PKP2: variants seen among roughly 807,000 people sequenced by gnomAD.
PKP2 encodes plakophilin 2.
In PKP2, 73 loss-of-function variants were observed where a neutral mutation model predicts 83.4. That is an observed-to-expected ratio of 0.88 (90% CI 0.72 to 1.06). The LOEUF (loss-of-function observed/expected upper bound fraction) is 1.06, where lower values mean the gene tolerates loss of function less well. PKP2 is among the 50% of genes least tolerant of loss of function. PKP2 has a pLI of 0.00. For synonymous variants in PKP2, 409 were observed against 430.4 expected (o/e 0.95, Z 0.62); for missense variants, 966 against 1,065.4 (o/e 0.91, Z 1.30).
Position 32,860,766 on chromosome 12 carries a change from A to G in PKP2, c.1170+8161T>C, listed in dbSNP as rs187650389. 2.0e-5 allele frequency among the ~76,000 whole-genome samples: 3 copies of G among 152,244 alleles called. No individual in the cohort carries two copies. In the East Asian group the frequency reaches 5.8e-4, roughly 29 times the overall value. ...GAATTTGGTCTGGGCGCGGTGGTGCATGCCTGTAGTCCCAGCACTTTGGGA... is the reference window on the plus strand; with the variant it reads ...GAATTTGGTCTGGGCGCGGTGGTGCGTGCCTGTAGTCCCAGCACTTTGGGA... On this transcript the variant is annotated intron_variant, in intron 4 of 12. Transcript: ENST00000340811.
chr12:32,894,422 A>G (rs1957103332), intron 1 of PKP2: 1 of 152,224 alleles, frequency 6.6e-6, no homozygotes, highest in African/African-American at 2.4e-5. Flanking sequence ...ATGCTTGCTG[A>G]ATTCATCACA....
At chr12:32,805,410 T>A (rs1238059253) in intron 9 of PKP2, among the ~76,000 whole-genome samples, 1 of 152,186 alleles carries the variant, frequency 6.6e-6, no homozygotes, top group Admixed American at 6.5e-5. Context: ...TTGCCTAGAT[T>A]TTCTTCTAGG....
At chr12:32,881,831 C>T (rs531087264) in intron 1 of PKP2, among the ~76,000 whole-genome samples, 3 of 152,158 alleles carry the variant, frequency 2.0e-5, no homozygotes, top group African/African-American at 7.2e-5. Flanking sequence ...CTGAGGCTCG[C>T]GCCTAGGCTA....
chr12:32,875,374 G>T lies in PKP2; in HGVS notation c.1034+2472C>A, dbSNP rs193266723. Among the ~76,000 whole-genome samples the T allele has an allele frequency of 6.6e-5, 10 of 152,286 alleles. No homozygotes were observed. The East Asian group carries it at 1.9e-3, about 29-fold the overall frequency. On this transcript the variant is annotated intron_variant, in intron 3 of 12. Transcript: ENST00000340811. Reference sequence around the variant, plus strand: ...AGGAAAGAGAGAGAGAATGAATATGGATAAATATCTTGCATTAAGGAAAGT... The same window carrying T: ...AGGAAAGAGAGAGAGAATGAATATGTATAAATATCTTGCATTAAGGAAAGT...
At chr12:32,797,547 A>G (rs1956138285) in intron 10 of PKP2, among the ~76,000 whole-genome samples, 6 of 149,606 alleles carry the variant, frequency 4.0e-5, no homozygotes, top group Admixed American at 4.0e-4. Context: ...CAATATTAAT[A>G]GTGAACTAAA....
intron 4 of PKP2, among the ~76,000 whole-genome samples, chr12:32,853,746 G>A (rs1022820040): frequency 1.3e-5 from 2 of 152,122 alleles, no homozygotes; most frequent in African/African-American, 2.4e-5. Flanking sequence ...CCCAACCTCA[G>A]GTGATCTGCC....
At chr12:32,827,402 G>C (rs2137794540) in intron 6 of PKP2, among the ~76,000 whole-genome samples, 1 of 152,316 alleles carries the variant, frequency 6.6e-6, no homozygotes, top group South Asian at 2.1e-4. Context: ...GATAAGGGTA[G>C]ATTATTTTAT....
In PKP2 at chr12:32,812,073, T is replaced by C. The variant is rs192934659; in HGVS notation, c.2013+9283A>G. ...GCTTGCGTGGGGGAAACTGGGTGTA[T>C]GTGGAAAAGATATATGGCAGCTGAA... On this transcript the variant is annotated intron_variant, in intron 9 of 12. Coordinates refer to ENST00000340811, the MANE Select transcript of PKP2 (RefSeq NM_001005242.3). 6.5e-4 allele frequency among the ~76,000 whole-genome samples: 99 copies of C among 151,602 alleles called. 1 individual carries two copies. The highest frequency in any genetic ancestry group is 2.2e-3 in the African/African-American group (89 of 41,330).
chr12:32,818,975 T>C (rs1956346344), intron 9 of PKP2, among the ~76,000 whole-genome samples: 1 of 152,088 alleles, frequency 6.6e-6, no homozygotes, highest in African/African-American at 2.4e-5. Context: ...AAGCATCCCG[T>C]AACTTAAAAG....
intron 9 of PKP2, among the ~76,000 whole-genome samples, chr12:32,806,646 C>CA (rs977009332): frequency 2.0e-5 from 3 of 146,680 alleles, no homozygotes; most frequent in Non-Finnish European, 4.4e-5. Flanking sequence ...TAATTTTTTT[C>CA]AAAAAAACAG....
At chr12:32,850,148 G>A (rs1956682961) in intron 5 of PKP2, among the ~76,000 whole-genome samples, 1 of 152,162 alleles carries the variant, frequency 6.6e-6, no homozygotes, top group Admixed American at 6.5e-5. Flanking sequence ...AATTTTCATT[G>A]CAGTGAGTCT....
chr12:32,881,948 CA>C (rs1565600768), intron 1 of PKP2, among the ~76,000 whole-genome samples: 1 of 152,166 alleles, frequency 6.6e-6, no homozygotes, highest in Non-Finnish European at 1.5e-5. Context: ...AGGCCAGGTA[CA>C]GGGAACATAA....
chr12:32,858,103 A>ATTTT (rs1283821721), intron 4 of PKP2, among the ~76,000 whole-genome samples: 1 of 94,606 alleles, frequency 1.1e-5, no homozygotes, highest in African/African-American at 4.9e-5. Flanking sequence ...ATATATATAT[A>ATTTT]TATATATATA....
chr12:32,845,270 G>C (rs564825765), intron 5 of PKP2, among the ~76,000 whole-genome samples: 1 of 152,298 alleles, frequency 6.6e-6, no homozygotes, highest in South Asian at 2.1e-4. Flanking sequence ...TAATGACCTC[G>C]GCTGGGCGCG....
chr12:32,795,769 T>C (rs1956114760), intron 11 of PKP2, among the ~76,000 whole-genome samples: 1 of 152,228 alleles, frequency 6.6e-6, no homozygotes, highest in African/African-American at 2.4e-5. Context: ...AGAGGACTCC[T>C]GCTTTGCCTA....
At chr12:32,808,550 C>T (rs1015052700) in intron 9 of PKP2, among the ~76,000 whole-genome samples, 26 of 152,186 alleles carry the variant, frequency 1.7e-4, no homozygotes, top group Admixed American at 1.1e-3. Flanking sequence ...TCAGCCTCAT[C>T]GCAGTTCCGA....
At chr12:32,890,581 T>G (rs942544599) in intron 1 of PKP2, among the ~76,000 whole-genome samples, 2 of 152,202 alleles carry the variant, frequency 1.3e-5, no homozygotes, top group Non-Finnish European at 2.9e-5. Flanking sequence ...CATATTGAGC[T>G]CTCAAGCTTT....
chr12:32,801,611 G>T (rs796807248), intron 10 of PKP2, among the ~76,000 whole-genome samples: 17 of 152,148 alleles, frequency 1.1e-4, no homozygotes, highest in African/African-American at 4.1e-4. Context: ...ATTAAAACAG[G>T]CAAAATATTG....
At chr12:32,809,330 G>T (rs1269434743) in intron 9 of PKP2, among the ~76,000 whole-genome samples, 2 of 152,168 alleles carry the variant, frequency 1.3e-5, no homozygotes, top group Non-Finnish European at 1.5e-5. Context: ...TGCTGTGTTG[G>T]GGGTATCCCT....
Sources: allele counts gnomAD v4.1 joint callset (sites outside exome capture counted in the v4.1 genomes callset), GRCh38; gene constraint gnomAD v4.1.1; transcripts MANE v1.5; gene names NCBI Gene and HGNC (gene_info 2026-07-23, HGNC 2026-07-21).